The following RAB27B variants were observed in gnomAD, a reference collection of about 807,000 sequenced individuals.
The protein encoded by RAB27B is ras-related protein Rab-27B.
RAB27B carries 15 observed loss-of-function variants against 24.6 expected under a neutral mutation model. That is an observed-to-expected ratio of 0.61 (90% CI 0.41 to 0.94). The LOEUF (loss-of-function observed/expected upper bound fraction) is 0.94, where lower values mean the gene tolerates loss of function less well. RAB27B is among the 40% of genes least tolerant of loss of function. RAB27B has a pLI of 0.00. For synonymous variants in RAB27B, 105 were observed against 92.5 expected (o/e 1.14, Z -0.78); for missense variants, 261 against 266.8 (o/e 0.98, Z 0.15).
chr18:54,865,120 A>G (rs1009538796), intron 1 of RAB27B, among the ~76,000 whole-genome samples: 3 of 152,208 alleles, frequency 2.0e-5, no homozygotes, highest in Non-Finnish European at 2.9e-5. Context: ...AAATATATAT[A>G]TGATTAAATA....
intron 2 of RAB27B, among the ~76,000 whole-genome samples, chr18:54,725,162 C>G (rs2144979459): frequency 6.6e-6 from 1 of 151,564 alleles, no homozygotes; most frequent in East Asian, 1.9e-4. Context: ...CCACTTATGA[C>G]TTATCTCTGT....
intron 2 of RAB27B, among the ~76,000 whole-genome samples, chr18:54,740,555 T>C (rs1910040119): frequency 6.6e-6 from 1 of 152,234 alleles, no homozygotes. Context: ...TTCCACAGCT[T>C]GACAGTGGAA....
At chr18:54,773,060 T>G (rs926605144) in intron 2 of RAB27B, among the ~76,000 whole-genome samples, 1 of 152,246 alleles carries the variant, frequency 6.6e-6, no homozygotes, top group Non-Finnish European at 1.5e-5. Flanking sequence ...CTTCTTTTTT[T>G]TTTTAAATCT....
At chr18:54,731,579 G>A (rs1909734851) in intron 2 of RAB27B, among the ~76,000 whole-genome samples, 2 of 152,274 alleles carry the variant, frequency 1.3e-5, no homozygotes, top group Middle Eastern at 3.4e-3. Context: ...AATTAGCCAG[G>A]TGTGGTGGCG....
intron 2 of RAB27B, among the ~76,000 whole-genome samples, chr18:54,791,868 C>T (rs762078473): frequency 2.6e-5 from 4 of 152,176 alleles, no homozygotes; most frequent in African/African-American, 7.2e-5. Context: ...CATCAACCCG[C>T]GGGACGAGGT....
In RAB27B at chr18:54,894,833, G is replaced by A. The variant is rs1394477724; in HGVS notation, c.*5420G>A. 6.6e-6 allele frequency: 1 copy of A among 152,042 alleles called. No individual in the cohort carries two copies. Among genetic ancestry groups the A allele is most frequent in the African/African-American group, 2.4e-5 (1 of 41,412 alleles). 9.4% of individuals were successfully genotyped at this position (152,042 alleles called of 1,614,324 possible). On this transcript the variant is annotated 3_prime_UTR_variant, in exon 6 of 6. Transcript: ENST00000262094. Reference sequence around the variant, plus strand: ...TTTAAACTGCTTGATATAAAAAGAGGTATCATAGCAGGGAAAACACACTAA... The same window carrying A: ...TTTAAACTGCTTGATATAAAAAGAGATATCATAGCAGGGAAAACACACTAA...
At chr18:54,861,025 G>T (rs1213740871) in intron 1 of RAB27B, among the ~76,000 whole-genome samples, 2 of 152,118 alleles carry the variant, frequency 1.3e-5, no homozygotes, top group Non-Finnish European at 2.9e-5. Flanking sequence ...TTAATAAAAT[G>T]ACACATCTTA....
chr18:54,728,697 A>T (rs1909622048), intron 2 of RAB27B, among the ~76,000 whole-genome samples: 1 of 151,828 alleles, frequency 6.6e-6, no homozygotes, highest in South Asian at 2.1e-4. Flanking sequence ...CAACATGGCA[A>T]AATCCTGTCT....
intron 2 of RAB27B, among the ~76,000 whole-genome samples, chr18:54,760,232 T>C (rs983314344): frequency 1.3e-5 from 2 of 152,078 alleles, no homozygotes; most frequent in African/African-American, 4.8e-5. Context: ...GTGTTGAGAG[T>C]TGGGGGCTGA....
chr18:54,891,357 G>T lies in RAB27B; in HGVS notation c.*1944G>T, dbSNP rs897837177. The T allele has an allele frequency of 2.0e-5, 3 of 151,150 alleles. No individual in the cohort carries two copies. The highest frequency in any genetic ancestry group is 6.6e-5 in the Admixed American group (1 of 15,228). 9.4% of individuals were successfully genotyped at this position (151,150 alleles called of 1,614,324 possible). A position where few individuals can be genotyped will look rare whatever the true frequency, so the allele number is the denominator to read the frequency against. ...TCTGATTTCTGCAGCATCGCAACAGGTTCGAAGATGGGTTGTGGCTGGGTA... is the reference window on the plus strand; with the variant it reads ...TCTGATTTCTGCAGCATCGCAACAGTTTCGAAGATGGGTTGTGGCTGGGTA... On this transcript the variant is annotated 3_prime_UTR_variant, in exon 6 of 6. Coordinates refer to ENST00000262094, the MANE Select transcript of RAB27B (RefSeq NM_004163.4).
chr18:54,856,702 G>C (rs929752603), intron 1 of RAB27B, among the ~76,000 whole-genome samples: 3 of 152,168 alleles, frequency 2.0e-5, no homozygotes, highest in Non-Finnish European at 4.4e-5. Flanking sequence ...CTGTTACAGT[G>C]GTCTTGCTGG....
chr18:54,777,466 C>A (rs986502538), intron 2 of RAB27B, among the ~76,000 whole-genome samples: 1 of 152,228 alleles, frequency 6.6e-6, no homozygotes, highest in Non-Finnish European at 1.5e-5. Context: ...GCAAACTCCA[C>A]CTGAGCTCTA....
intron 1 of RAB27B, among the ~76,000 whole-genome samples, chr18:54,842,454 A>C (rs1177322611): frequency 6.6e-6 from 1 of 152,212 alleles, no homozygotes; most frequent in Admixed American, 6.5e-5. Context: ...TATAAAAGAA[A>C]ATTTGTTTTA....
chr18:54,881,928 GAC>G (rs996227552), intron 3 of RAB27B, among the ~76,000 whole-genome samples: 10 of 152,090 alleles, frequency 6.6e-5, no homozygotes, highest in Admixed American at 5.9e-4. Context: ...TCTCAAATGA[GAC>G]ACACACACTT....
At chr18:54,733,506 A>G (rs1265493849) in intron 2 of RAB27B, among the ~76,000 whole-genome samples, 1 of 152,192 alleles carries the variant, frequency 6.6e-6, no homozygotes, top group Non-Finnish European at 1.5e-5. Context: ...ACTTCTGTCT[A>G]GAAATTTTCA....
intron 2 of RAB27B, among the ~76,000 whole-genome samples, chr18:54,812,550 AACACACACACACACACACAC>A (rs10595171): frequency 4.7e-4 from 65 of 139,204 alleles, no homozygotes; most frequent in South Asian, 2.0e-3. Flanking sequence ...GAACTCCTTT[AACACACACACACACACACAC>A]ACACACACAC....
chr18:54,856,204 G>T (rs1406443103), intron 1 of RAB27B, among the ~76,000 whole-genome samples: 1 of 152,208 alleles, frequency 6.6e-6, no homozygotes, highest in Non-Finnish European at 1.5e-5. Flanking sequence ...AAAAATTTCA[G>T]CTGAGAACTG....
At chr18:54,851,310 T>C (rs934398156) in intron 1 of RAB27B, among the ~76,000 whole-genome samples, 2 of 152,182 alleles carry the variant, frequency 1.3e-5, no homozygotes, top group African/African-American at 2.4e-5. Context: ...ATATGTAATA[T>C]GTTTATGTGA....
chr18:54,765,110 AAAAC>A (rs1157084945), intron 2 of RAB27B, among the ~76,000 whole-genome samples: 1 of 152,200 alleles, frequency 6.6e-6, no homozygotes, highest in Admixed American at 6.5e-5. Context: ...ACAAGCAAAA[AAAAC>A]CAAAAAGAAA....
Sources: gnomAD v4.1 joint callset for allele counts (sites outside exome capture counted in the v4.1 genomes callset) on GRCh38, gnomAD v4.1.1 for gene constraint, MANE v1.5 for transcripts, NCBI Gene and HGNC (gene_info 2026-07-23, HGNC 2026-07-21) for gene names.